The following GPHN variants were observed in gnomAD, a reference collection of about 807,000 sequenced individuals.
GPHN encodes the protein gephyrin.
A neutral mutation model predicts 95.5 loss-of-function variants in GPHN; 17 were observed. The ratio of observed to expected loss-of-function variants is 0.18; its 90% confidence interval spans 0.12 to 0.27. The LOEUF is 0.27. Ranked by LOEUF, GPHN falls within the 10% of genes least tolerant of loss-of-function variation. GPHN has a pLI of 1.00. For missense variants in GPHN, 660 were observed against 978.1 expected (o/e 0.67, Z 4.34); for synonymous variants, 320 against 322.5 (o/e 0.99, Z 0.08).
chr14:67,425,001 T>C, the GPHN span, among the ~76,000 whole-genome samples: 4 of 152,306 alleles, frequency 2.6e-5, no homozygotes, highest in East Asian at 7.7e-4. Flanking sequence ...AGGACATCAT[T>C]CCAACTGGTT....
intron 2 of GPHN, among the ~76,000 whole-genome samples, chr14:66,746,185 A>G (rs1290761256): frequency 6.6e-6 from 1 of 152,184 alleles, no homozygotes; most frequent in Non-Finnish European, 1.5e-5. Context: ...TCATTTCTCT[A>G]TAAATACCCA....
chr14:66,923,537 T>C (rs1468329187), intron 7 of GPHN, among the ~76,000 whole-genome samples: 3 of 152,152 alleles, frequency 2.0e-5, no homozygotes, highest in Non-Finnish European at 4.4e-5. Flanking sequence ...CAAATTCTCT[T>C]TGGGCAACTC....
chr14:66,516,350 T>C (rs1188672921), intron 1 of GPHN, among the ~76,000 whole-genome samples: 1 of 152,122 alleles, frequency 6.6e-6, no homozygotes, highest in Non-Finnish European at 1.5e-5. Context: ...ATTCTGAATA[T>C]CTGTTACTGT....
intron 17 of GPHN, among the ~76,000 whole-genome samples, chr14:67,131,295 G>A (rs559556387): frequency 6.6e-6 from 1 of 151,938 alleles, no homozygotes; most frequent in African/African-American, 2.4e-5. Flanking sequence ...AAGGATTTGT[G>A]AGTATTGGGC....
the GPHN span, among the ~76,000 whole-genome samples, chr14:67,402,566 C>T: frequency 4.6e-5 from 7 of 152,310 alleles, no homozygotes; most frequent in South Asian, 1.4e-3. Flanking sequence ...ATTCCCATCT[C>T]CCCGGCAGCC....
chr14:67,559,546 C>A, the GPHN span: 1 of 1,208,150 alleles, frequency 8.3e-7, no homozygotes, highest in Non-Finnish European at 1.2e-6. Context: ...GGTTTCCCAC[C>A]TCCAGTCAGT....
the GPHN span, among the ~76,000 whole-genome samples, chr14:67,314,676 A>G: frequency 4.6e-5 from 7 of 152,210 alleles, no homozygotes; most frequent in African/African-American, 1.7e-4. Flanking sequence ...TTGTTGATAG[A>G]TTGATTTTCT....
intron 3 of GPHN, among the ~76,000 whole-genome samples, chr14:66,789,006 T>G (rs2059880943): frequency 6.6e-6 from 1 of 152,228 alleles, no homozygotes; most frequent in African/African-American, 2.4e-5. Flanking sequence ...AAGATTTTTC[T>G]AAACGTTGTA....
At chr14:67,573,609 A>C in the GPHN span, among the ~76,000 whole-genome samples, 1 of 152,194 alleles carries the variant, frequency 6.6e-6, no homozygotes, top group Non-Finnish European at 1.5e-5. This position sits in a 1 kb window ranked among gnomAD's most constrained non-coding sequence, Gnocchi z 4.8. Context: ...TCTCAGAAGG[A>C]CCCATGTTCC....
intron 4 of GPHN, among the ~76,000 whole-genome samples, chr14:66,864,835 A>G (rs2063168154): frequency 6.6e-6 from 1 of 152,140 alleles, no homozygotes; most frequent in Non-Finnish European, 1.5e-5. Context: ...TTCTGGCAGC[A>G]CTGTTCACAA....
chr14:67,199,694 G>A, the GPHN span: 12,838 of 1,585,170 alleles, frequency 8.1e-3, 82 homozygotes, highest in Non-Finnish European at 9.0e-3. Flanking sequence ...TCAGCTGTTT[G>A]CAGATGCACC....
At chr14:67,193,916 G>A in the GPHN span, among the ~76,000 whole-genome samples, 3 of 135,356 alleles carry the variant, frequency 2.2e-5, no homozygotes, top group African/African-American at 8.9e-5. Context: ...CTGCACTCCA[G>A]CCTGTGTGAC....
At chr14:67,686,123 C>A in the GPHN span, 2 of 152,212 alleles carry the variant, frequency 1.3e-5, no homozygotes, top group African/African-American at 4.8e-5. Context: ...GAACTGCAGA[C>A]ACACTGGGAG....
At chr14:67,695,897 TTA>T in the GPHN span, 1 of 595,322 alleles carries the variant, frequency 1.7e-6, no homozygotes, top group African/African-American at 1.9e-5. Context: ...AGAAGTTGAA[TTA>T]TACATCGCTA....
the GPHN span, among the ~76,000 whole-genome samples, chr14:67,452,020 G>A: frequency 2.6e-5 from 4 of 152,160 alleles, no homozygotes; most frequent in Non-Finnish European, 5.9e-5. Flanking sequence ...GGTCTCATGA[G>A]ATCTGATGGT....
intron 10 of GPHN, among the ~76,000 whole-genome samples, chr14:67,042,608 A>G (rs1481168521): frequency 6.6e-6 from 1 of 152,210 alleles, no homozygotes; most frequent in African/African-American, 2.4e-5. Flanking sequence ...TGGTACCAGT[A>G]TCATGCTGTT....
chr14:67,015,827 T>A (rs2153620665), intron 9 of GPHN, among the ~76,000 whole-genome samples: 1 of 152,328 alleles, frequency 6.6e-6, no homozygotes, highest in East Asian at 1.9e-4. Context: ...TGTATGTGTG[T>A]GTGTATGGAA....
intron 1 of GPHN, among the ~76,000 whole-genome samples, chr14:66,605,166 G>T (rs932371230): frequency 5.3e-5 from 8 of 152,006 alleles, no homozygotes; most frequent in Non-Finnish European, 1.0e-4. Context: ...GAACATATCG[G>T]TGCATATGTC....
At chr14:67,104,861 C>T (rs1390032866) in intron 13 of GPHN, among the ~76,000 whole-genome samples, 1 of 151,640 alleles carries the variant, frequency 6.6e-6, no homozygotes, top group Non-Finnish European at 1.5e-5. Flanking sequence ...TATCTGTATT[C>T]TTTCTTTCCT....
Sources: allele counts gnomAD v4.1 joint callset (sites outside exome capture counted in the v4.1 genomes callset), GRCh38; gene constraint gnomAD v4.1.1; non-coding constraint Gnocchi (gnomAD v3.1); transcripts MANE v1.5; gene names NCBI Gene and HGNC (gene_info 2026-07-23, HGNC 2026-07-21).